The following MYO1B variants were observed in gnomAD, a reference collection of about 807,000 sequenced individuals.
The protein encoded by MYO1B is myosin IB.
In MYO1B, 72 loss-of-function variants were observed where a neutral mutation model predicts 159.7. That is an observed-to-expected ratio of 0.45 (90% CI 0.37 to 0.55). MYO1B has a LOEUF of 0.55. MYO1B is among the 20% of genes least tolerant of loss of function. The probability of loss-of-function intolerance (pLI) is 0.00; values close to 1 mark genes in which losing one functional copy is unlikely to be tolerated. For missense variants in MYO1B, 1,062 were observed against 1,364.8 expected, an observed-to-expected ratio of 0.78 and a Z score of 3.50; for synonymous variants, 468 against 473.8, an observed-to-expected ratio of 0.99 and a Z score of 0.16.
intron 21 of MYO1B, among the ~76,000 whole-genome samples, chr2:191,397,708 C>T (rs1696216992): frequency 6.9e-6 from 1 of 145,868 alleles, no homozygotes. Flanking sequence ...AGCCGCTGGG[C>T]ACACCTCCCA....
chr2:191,265,187 GTTT>G (rs34417586), intron 1 of MYO1B, among the ~76,000 whole-genome samples: 118 of 136,166 alleles, frequency 8.7e-4, no homozygotes, highest in Non-Finnish European at 9.7e-4. Flanking sequence ...GAAGGCCCCT[GTTT>G]TTTTTTTTTT....
rs113886308 is a variant in MYO1B at position 191,299,629 on chromosome 2, T to G, written c.251+3403T>G. ...TTTGCCACATTTACTATTTAATGTT[T>G]GTTTAAGGGATGATTTGTCTAAGAA... On this transcript the variant is annotated intron_variant, in intron 3 of 30. Coordinates refer to ENST00000392318, the MANE Select transcript of MYO1B (RefSeq NM_001130158.3). Among the ~76,000 whole-genome samples, 806 of 152,366 alleles carry G rather than the reference T, an allele frequency of 5.3e-3. 4 individuals carry two copies. Among genetic ancestry groups the G allele is most frequent in the African/African-American group, 0.018 (760 of 41,580 alleles).
intron 6 of MYO1B, among the ~76,000 whole-genome samples, chr2:191,349,726 C>T (rs1036759155): frequency 8.5e-5 from 13 of 152,236 alleles, no homozygotes; most frequent in African/African-American, 1.7e-4. Context: ...GATCTCTGAA[C>T]GTTTCAATTC....
intron 4 of MYO1B, among the ~76,000 whole-genome samples, chr2:191,335,878 C>T (rs542609586): frequency 6.6e-6 from 1 of 152,274 alleles, no homozygotes; most frequent in South Asian, 2.1e-4. Flanking sequence ...GTAACATGGG[C>T]ACTTAGGGAG....
chr2:191,364,341 T>A, intron 11 of MYO1B, 65 bp downstream of exon 11: 1 of 1,312,114 alleles, frequency 7.6e-7, no homozygotes, highest in Non-Finnish European at 1.1e-6. Flanking sequence ...CATATAAGTA[T>A]AAACAAAGAT....
In MYO1B at chr2:191,330,089, A is replaced by C. The variant is rs1236552650; in HGVS notation, c.346+60A>C. 2.7e-6 allele frequency: 4 copies of C among 1,476,322 alleles called. No individual in the cohort carries two copies. In the African/African-American group the frequency reaches 5.6e-5, roughly 21 times the overall value. The allele number at this position is 1,476,322 out of a possible 1,614,324, so 91.5% of individuals were successfully genotyped here. Reference sequence around the variant, plus strand: ...AATGCTGCACAGAATGACAACAGCAAAGAGGACCAGTAGGGCCTCCTTAGC... The same window carrying C: ...AATGCTGCACAGAATGACAACAGCACAGAGGACCAGTAGGGCCTCCTTAGC... On this transcript the variant is annotated intron_variant, in intron 4 of 30. Coordinates refer to ENST00000392318, the MANE Select transcript of MYO1B (RefSeq NM_001130158.3).
intron 30 of MYO1B, among the ~76,000 whole-genome samples, chr2:191,419,241 C>T (rs1467460985): frequency 2.0e-5 from 3 of 151,162 alleles, no homozygotes; most frequent in Non-Finnish European, 4.4e-5. Flanking sequence ...TTTTTTGAGA[C>T]TCAGTCTTGC....
intron 21 of MYO1B, among the ~76,000 whole-genome samples, chr2:191,398,952 C>T (rs1399839256): frequency 6.6e-6 from 1 of 152,218 alleles, no homozygotes; most frequent in South Asian, 2.1e-4. Context: ...TGAGATCACG[C>T]CACTGCACTC....
intron 3 of MYO1B, among the ~76,000 whole-genome samples, 194 bp from the exon 4 acceptor site, chr2:191,329,741 A>G (rs1318163222): frequency 1.3e-5 from 2 of 151,514 alleles, no homozygotes; most frequent in African/African-American, 4.8e-5. Flanking sequence ...TAGAGAATAC[A>G]TGGAAGAAGG....
At chr2:191,349,508 T>C (rs1478132243) in intron 6 of MYO1B, among the ~76,000 whole-genome samples, 1 of 152,244 alleles carries the variant, frequency 6.6e-6, no homozygotes, top group Non-Finnish European at 1.5e-5. Context: ...TAGGCAATTA[T>C]AGACCAGTTC....
intron 1 of MYO1B, among the ~76,000 whole-genome samples, chr2:191,249,724 G>A (rs918118648): frequency 6.6e-6 from 1 of 152,198 alleles, no homozygotes; most frequent in South Asian, 2.1e-4. Context: ...AGAATTTGAA[G>A]ACTGGAAGTT....
chr2:191,258,263 T>C (rs1285835278), intron 1 of MYO1B, among the ~76,000 whole-genome samples: 5 of 152,218 alleles, frequency 3.3e-5, no homozygotes, highest in African/African-American at 9.6e-5. Flanking sequence ...TTGTAGGCAA[T>C]TATAACACAG....
At position 191,260,254 on chromosome 2, in the gene MYO1B, C is replaced by T. The variant is rs1458356856; in HGVS notation, c.-10+14628C>T. Among the ~76,000 whole-genome samples, 393 of 60,948 alleles carry T rather than the reference C, an allele frequency of 6.4e-3. 1 individual carries two copies. The highest frequency in any genetic ancestry group is 0.013 in the South Asian group (12 of 900). The allele number at this position is 60,948 out of a possible 152,430, so 40.0% of individuals were successfully genotyped here. ...TAATATTACTTTTTTCCCAGATAGG[C>T]TTTTTTTTTTTTTGAATTAAAGCTA... On this transcript the variant is annotated intron_variant, in intron 1 of 30. Transcript: ENST00000392318.
chr2:191,268,611 A>G (rs1687280082), intron 1 of MYO1B, among the ~76,000 whole-genome samples: 1 of 152,126 alleles, frequency 6.6e-6, no homozygotes, highest in Admixed American at 6.5e-5. Context: ...TACAGCTAGA[A>G]CCACTCTGGG....
chr2:191,363,761 G>C lies in MYO1B; in HGVS notation c.799G>C (p.Glu267Gln), dbSNP rs1211578745. 1.9e-6 allele frequency: 3 copies of C among 1,613,540 alleles called. No homozygotes were observed. Among genetic ancestry groups the C allele is most frequent in the Non-Finnish European group, 2.5e-6 (3 of 1,179,856 alleles). Reference sequence around the variant, plus strand: ...GCAGATTGTGGGCTTTATGGATCATGAAGCTGAGTCTGTCTTGGCGGTGGT... The same window carrying C: ...GCAGATTGTGGGCTTTATGGATCATCAAGCTGAGTCTGTCTTGGCGGTGGT... Reference protein sequence around the residue: ...AMQIVGFMDHEAESVLAVVAA... With the variant: ...AMQIVGFMDHQAESVLAVVAA... Residue 267 changes from glutamate to glutamine, a missense_variant, in exon 10 of 31, where the codon GAA becomes CAA. Glu to Gln is a conservative substitution (Grantham distance 29, BLOSUM62 2). This residue lies in a region of MYO1B where 415 missense variants were observed against 544.0 expected (regional missense o/e 0.76). Coordinates refer to ENST00000392318, the MANE Select transcript of MYO1B (RefSeq NM_001130158.3).
Position 191,275,877 on chromosome 2 carries a change from A to C in MYO1B, c.-9-1010A>C, listed in dbSNP as rs2125738092. On this transcript the variant is annotated intron_variant, in intron 1 of 30. Coordinates refer to ENST00000392318, the MANE Select transcript of MYO1B (RefSeq NM_001130158.3). Reference sequence around the variant, plus strand: ...ACATGTGTGCATACACACATATCCCACACACTCCTATGCTCAGAAATTTGA... The same window carrying C: ...ACATGTGTGCATACACACATATCCCCCACACTCCTATGCTCAGAAATTTGA... Among the ~76,000 whole-genome samples the C allele has an allele frequency of 1.3e-5, 2 of 152,326 alleles. 1 individual carries two copies. Among genetic ancestry groups the C allele is most frequent in the South Asian group, 4.1e-4 (2 of 4,826 alleles).
intron 2 of MYO1B, among the ~76,000 whole-genome samples, chr2:191,283,307 G>A (rs1171629189): frequency 1.6e-5 from 2 of 124,900 alleles, no homozygotes; most frequent in Non-Finnish European, 3.4e-5. Context: ...AAATATTCTG[G>A]TTGAAGCTAA....
At chr2:191,297,045 A>G (rs949338315) in intron 3 of MYO1B, among the ~76,000 whole-genome samples, 2 of 152,182 alleles carry the variant, frequency 1.3e-5, no homozygotes, top group Non-Finnish European at 2.9e-5. Flanking sequence ...AATACCTTAA[A>G]CTTTTTATTT....
chr2:191,305,993 C>A (rs1185103321), intron 3 of MYO1B, among the ~76,000 whole-genome samples: 1 of 151,988 alleles, frequency 6.6e-6, no homozygotes, highest in African/African-American at 2.4e-5. Flanking sequence ...TACTAGTGTA[C>A]CTACTGGGGA....
Sources: gnomAD v4.1 joint callset for allele counts (sites outside exome capture counted in the v4.1 genomes callset) on GRCh38, gnomAD v4.1.1 for gene constraint, gnomAD v4.1.1 regional missense constraint, MANE v1.5 for transcripts, NCBI Gene and HGNC (gene_info 2026-07-23, HGNC 2026-07-21) for gene names.